Variants in FGF10 observed in about 807,000 individuals in gnomAD.
FGF10 encodes FGF-10.
A neutral mutation model predicts 19.8 loss-of-function variants in FGF10; 2 were observed. That is an observed-to-expected ratio of 0.10 (90% CI 0.04 to 0.32). The LOEUF (loss-of-function observed/expected upper bound fraction) is 0.32, where lower values mean the gene tolerates loss of function less well. FGF10 is among the 10% of genes least tolerant of loss of function. The pLI is 1.00. For missense variants in FGF10, 191 were observed against 246.3 expected (o/e 0.78, Z 1.50); for synonymous variants, 112 against 94.0 (o/e 1.19, Z -1.10).
At chr5:44,366,591 G>A (rs1282368230) in intron 1 of FGF10, among the ~76,000 whole-genome samples, 1 of 151,882 alleles carries the variant, frequency 6.6e-6, no homozygotes, top group African/African-American at 2.4e-5. Context: ...AGCTACCAAG[G>A]GCCTGCTGTG....
chr5:44,335,653 T>C (rs879898525), intron 1 of FGF10, among the ~76,000 whole-genome samples: 1 of 152,096 alleles, frequency 6.6e-6, no homozygotes, highest in Non-Finnish European at 1.5e-5. Context: ...GGAAAACACA[T>C]CCTTTGTACC....
At chr5:44,327,787 C>T (rs17234373) in intron 1 of FGF10, among the ~76,000 whole-genome samples, 2,528 of 152,268 alleles carry the variant, frequency 0.017, 60 homozygotes, top group African/African-American at 0.056. Flanking sequence ...TTAAAGACTA[C>T]TAGGAAGCAC....
Position 44,388,400 on chromosome 5 carries a change from T to C in FGF10, c.283A>G (p.Asn95Asp). The C allele has an allele frequency of 6.2e-7, 1 of 1,613,780 alleles. No homozygotes were observed. Among genetic ancestry groups the C allele is most frequent in the Non-Finnish European group, 8.5e-7 (1 of 1,180,026 alleles). The change falls in exon 1 of 3, where the codon AAC (asparagine) becomes GAC (aspartate). Residue 95 changes from asparagine to aspartate, a missense_variant. Physicochemically the swap from Asn to Asp is conservative, Grantham distance 23 (BLOSUM62 1). Around this residue, in one of 2 missense-constraint regions of FGF10, gnomAD observed 99 missense variants for 161.7 expected, o/e 0.61. Transcript: ENST00000264664. ...FTKYFLKIEK[N>D]GKVSGTKKEN... Reference sequence around the variant, plus strand: ...TTCTTGGTCCCGCTGACCTTCCCGTTCTTCTCAATCTTGAGAAAGTACTTG... The same window carrying C: ...TTCTTGGTCCCGCTGACCTTCCCGTCCTTCTCAATCTTGAGAAAGTACTTG...
chr5:44,352,086 G>A (rs1033684359), intron 1 of FGF10, among the ~76,000 whole-genome samples: 4 of 151,460 alleles, frequency 2.6e-5, no homozygotes, highest in African/African-American at 9.7e-5. Flanking sequence ...TTAATTAGAA[G>A]CATAGTCCAT....
rs571540819 is a variant in FGF10, at chr5:44,321,927, T to C, written c.326-11397A>G. Among the ~76,000 whole-genome samples, 3 of 152,254 alleles carry C rather than the reference T, an allele frequency of 2.0e-5. No individual in the cohort carries two copies. In the East Asian group the frequency reaches 5.8e-4, roughly 30 times the overall value. ...TAGGGTGCCCATCACCATGCCCGGCTAATTTTTGTGGTTTTAGTAGAGACA... is the reference window on the plus strand; with the variant it reads ...TAGGGTGCCCATCACCATGCCCGGCCAATTTTTGTGGTTTTAGTAGAGACA... On this transcript the variant is annotated intron_variant, in intron 1 of 2. Transcript: ENST00000264664.
chr5:44,312,347 C>G (rs1372959290), intron 1 of FGF10, among the ~76,000 whole-genome samples: 2 of 152,028 alleles, frequency 1.3e-5, no homozygotes, highest in Non-Finnish European at 2.9e-5. Flanking sequence ...CACACACACA[C>G]AGGTGGTAAG....
chr5:44,308,577 T>A (rs769678498), intron 2 of FGF10, among the ~76,000 whole-genome samples: 6 of 152,060 alleles, frequency 3.9e-5, no homozygotes, highest in Non-Finnish European at 5.9e-5. Context: ...CAAAAGAGAT[T>A]ATGATGTGAA....
intron 1 of FGF10, among the ~76,000 whole-genome samples, chr5:44,346,179 C>G (rs1200183807): frequency 6.6e-6 from 1 of 151,706 alleles, no homozygotes; most frequent in African/African-American, 2.4e-5. Flanking sequence ...GTACCTCCCA[C>G]CCCCATTTAC....
At chr5:44,373,289 A>G (rs1296662610) in intron 1 of FGF10, among the ~76,000 whole-genome samples, 1 of 152,190 alleles carries the variant, frequency 6.6e-6, no homozygotes, top group African/African-American at 2.4e-5. Context: ...AAGGTTGTCT[A>G]GTCGTACCCT....
chr5:44,310,423 T>G lies in FGF10; in HGVS notation c.429+4A>C. ...GGATTTGAAAACAAAAGCAGAATAC[T>G]TACTGAGCCATAGAGTTTCCCCTTC... On this transcript the variant is annotated splice_donor_region_variant and intron_variant, in intron 2 of 2. Coordinates refer to ENST00000264664, the MANE Select transcript of FGF10 (RefSeq NM_004465.2). 6.3e-7 allele frequency: 1 copy of G among 1,598,588 alleles called. No individual in the cohort carries two copies. The highest frequency in any genetic ancestry group is 8.6e-7 in the Non-Finnish European group (1 of 1,166,592).
intron 1 of FGF10, among the ~76,000 whole-genome samples, chr5:44,330,972 ATAAT>A (rs1740723248): frequency 6.6e-6 from 1 of 152,178 alleles, no homozygotes; most frequent in Non-Finnish European, 1.5e-5. Flanking sequence ...CATATTCTTA[ATAAT>A]TAATGGTGAG....
chr5:44,335,334 CT>C, intron 1 of FGF10, among the ~76,000 whole-genome samples: 1 of 151,984 alleles, frequency 6.6e-6, no homozygotes, highest in Non-Finnish European at 1.5e-5. Flanking sequence ...TCAGATTTTC[CT>C]TTTTGTATCA....
intron 1 of FGF10, among the ~76,000 whole-genome samples, chr5:44,352,791 T>A (rs998386538): frequency 6.6e-6 from 1 of 151,618 alleles, no homozygotes; most frequent in Admixed American, 6.6e-5. Flanking sequence ...TTTTTCCTCA[T>A]CAATAAAATA....
In FGF10 at chr5:44,304,871, C is replaced by G; in HGVS notation, c.*124G>C. 1.0e-6 allele frequency: 1 copy of G among 971,200 alleles called. No individual in the cohort carries two copies. The highest frequency in any genetic ancestry group is 1.6e-6 in the Non-Finnish European group (1 of 608,920). The allele number at this position is 971,200 out of a possible 1,614,324, so 60.2% of individuals were successfully genotyped here. ...ACAAAAACCTTCAAAGGCTGGCTTT[C>G]TTTTAAGCAAGCAGACATCTGCAAC... On this transcript the variant is annotated 3_prime_UTR_variant, in exon 3 of 3. Coordinates refer to ENST00000264664, the MANE Select transcript of FGF10 (RefSeq NM_004465.2).
intron 1 of FGF10, among the ~76,000 whole-genome samples, chr5:44,336,088 A>G (rs762389926): frequency 2.0e-5 from 3 of 151,958 alleles, no homozygotes; most frequent in Non-Finnish European, 2.9e-5. Flanking sequence ...ATGAACTTGC[A>G]TGTTTTTCAT....
intron 2 of FGF10, among the ~76,000 whole-genome samples, chr5:44,305,951 CCCATAG>C (rs1261484789): frequency 6.6e-6 from 1 of 152,148 alleles, no homozygotes; most frequent in African/African-American, 2.4e-5. Context: ...GAAGTTCCAT[CCCATAG>C]CCATAGAGCT....
chr5:44,388,653 G>A lies in FGF10; in HGVS notation c.30C>T (p.Ala10=). Residue 10 remains alanine, a synonymous_variant, in exon 1 of 3, where the codon GCC becomes GCT. Transcript: ENST00000264664. MWKWILTHC[A]SAFPHLPGCC... ...AGCCGGGCAGGTGGGGAAAGGCTGA[G>A]GCACAATGTGTCAGTATCCATTTCC... is the stretch of plus-strand genomic sequence containing the variant. 6.2e-7 allele frequency: 1 copy of A among 1,614,076 alleles called. No individual in the cohort carries two copies. Among genetic ancestry groups the A allele is most frequent in the Non-Finnish European group, 8.5e-7 (1 of 1,180,038 alleles).
intron 1 of FGF10, among the ~76,000 whole-genome samples, chr5:44,373,907 TGA>T (rs1741798676): frequency 1.3e-5 from 2 of 152,188 alleles, no homozygotes; most frequent in Admixed American, 1.3e-4. Context: ...ATTTTTAGGT[TGA>T]GTTACAGCAG....
At chr5:44,325,410 A>G (rs1160803788) in intron 1 of FGF10, among the ~76,000 whole-genome samples, 1 of 152,130 alleles carries the variant, frequency 6.6e-6, no homozygotes, top group Non-Finnish European at 1.5e-5. Context: ...ATTATCAATC[A>G]TGCTGCTATA....
Sources: allele counts gnomAD v4.1 joint callset (sites outside exome capture counted in the v4.1 genomes callset), GRCh38; gene constraint gnomAD v4.1.1; regional missense constraint gnomAD v4.1.1; transcripts MANE v1.5; gene names NCBI Gene and HGNC (gene_info 2026-07-23, HGNC 2026-07-21).